Variants in PALS2 observed in about 807,000 individuals in gnomAD.
PALS2 encodes protein PALS2.
Under a neutral mutation model 61.6 loss-of-function variants are expected in PALS2, and 27 were observed. The ratio of observed to expected loss-of-function variants is 0.44; its 90% CI spans 0.32 to 0.60. PALS2 has a LOEUF of 0.60. Ranked by LOEUF, PALS2 falls within the 20% of genes least tolerant of loss-of-function variation. The pLI is 0.05. For missense variants in PALS2, 554 were observed against 639.4 expected (o/e 0.87, Z 1.44); for synonymous variants, 236 against 218.6 (o/e 1.08, Z -0.70).
At position 24,665,684 on chromosome 7, in the gene PALS2, T is replaced by G; in HGVS notation, c.880T>G (p.Ser294Ala). The change falls in exon 7 of 12, where the codon TCA becomes GCA. Residue 294 changes from serine (S) to alanine (A), a missense_variant. By Grantham distance (99) the Ser-to-Ala change is moderately conservative (BLOSUM62 1). Coordinates refer to ENST00000222644, the MANE Select transcript of PALS2 (RefSeq NM_001303037.2). The stretch of plus-strand genomic sequence containing the variant: ...ATTTGTTAGAAGAGACTGGGACAAT[T>G]CAGGTGATGAGCTCGACACAATAAG... The part of the protein sequence containing the change: ...KAFVRRDWDN[S>A]GPFCGTISSK... 1 of 1,612,836 alleles carries G rather than the reference T, an allele frequency of 6.2e-7. No individual in the cohort carries two copies. Among genetic ancestry groups the G allele is most frequent in the Non-Finnish European group, 8.5e-7 (1 of 1,178,940 alleles).
At chr7:24,613,997 C>T (rs1036986890) in intron 1 of PALS2, among the ~76,000 whole-genome samples, 1 of 151,810 alleles carries the variant, frequency 6.6e-6, no homozygotes, top group African/African-American at 2.4e-5. Flanking sequence ...TTATTGGACA[C>T]TTTGATTGAT....
At position 24,623,656 on chromosome 7, in the gene PALS2, A is replaced by G. The variant is rs758606620; in HGVS notation, c.-2-10A>G. The G allele has an allele frequency of 6.7e-7, 1 of 1,503,054 alleles. No homozygotes were observed. Among genetic ancestry groups the G allele is most frequent in the South Asian group, 1.2e-5 (1 of 82,042 alleles). The allele number at this position is 1,503,054 out of a possible 1,614,324, so 93.1% of individuals were successfully genotyped here. On this transcript the variant is annotated splice_polypyrimidine_tract_variant and intron_variant, in intron 1 of 11. Coordinates refer to ENST00000222644, the MANE Select transcript of PALS2 (RefSeq NM_001303037.2). ...GTTTGTTTGTTTTTATGTTGCTTTT[A>G]TCTCAGCAGCAATGCAGCAAGTCTT...
intron 2 of PALS2, chr7:24,624,286 T>G: frequency 3.2e-6 from 1 of 311,558 alleles, no homozygotes; most frequent in Non-Finnish European, 5.5e-6. Context: ...TAAGTATACT[T>G]TACAACCATT....
chr7:24,606,180 G>A (rs1019024500), intron 1 of PALS2, among the ~76,000 whole-genome samples: 4 of 152,018 alleles, frequency 2.6e-5, no homozygotes, highest in Admixed American at 6.6e-5. Flanking sequence ...CTACAGTTAA[G>A]AATTACTATG....
intron 10 of PALS2, 123 bp from the exon 11 acceptor site, chr7:24,680,265 GATAA>G: frequency 2.3e-6 from 2 of 873,070 alleles, no homozygotes; most frequent in Non-Finnish European, 3.4e-6. Flanking sequence ...ACAGAACAGG[GATAA>G]GTATTAAGTT....
chr7:24,668,982 A>C (rs929658636), intron 9 of PALS2, among the ~76,000 whole-genome samples: 2 of 152,152 alleles, frequency 1.3e-5, no homozygotes, highest in African/African-American at 4.8e-5. Context: ...TGTCTATCTA[A>C]AAAGTTGGAT....
rs770048084 is a variant in PALS2, at chr7:24,641,772, A to T, written c.174A>T (p.Glu58Asp). ...AAGCTGTCAGTGACAATAACTTGGA[A>T]TTAGTCAATGAAATTCTTGAAGACA... Reference protein sequence around the residue: ...KLEAVSDNNLELVNEILEDIT... With the variant: ...KLEAVSDNNLDLVNEILEDIT... The change falls in exon 3 of 12, where the codon GAA (glutamate) becomes GAT (aspartate). Residue 58 changes from glutamate to aspartate, a missense_variant. Glu to Asp is a conservative substitution (Grantham distance 45). Coordinates refer to ENST00000222644, the MANE Select transcript of PALS2 (RefSeq NM_001303037.2). 6.2e-7 allele frequency: 1 copy of T among 1,612,600 alleles called. No individual in the cohort carries two copies. The highest frequency in any genetic ancestry group is 8.5e-7 in the Non-Finnish European group (1 of 1,179,124).
intron 11 of PALS2, among the ~76,000 whole-genome samples, chr7:24,684,397 T>C (rs764021792): frequency 2.6e-5 from 4 of 152,234 alleles, no homozygotes; most frequent in Non-Finnish European, 4.4e-5. Context: ...TAAATTGTTG[T>C]GTCTTCAGCA....
chr7:24,650,083 A>G (rs966947118), intron 4 of PALS2, among the ~76,000 whole-genome samples: 1 of 152,174 alleles, frequency 6.6e-6, no homozygotes, highest in Non-Finnish European at 1.5e-5. Context: ...CAGTATCAAA[A>G]TATAAAAAGA....
intron 1 of PALS2, among the ~76,000 whole-genome samples, chr7:24,616,571 T>C (rs1017476800): frequency 7.9e-5 from 12 of 152,216 alleles, no homozygotes; most frequent in Admixed American, 1.3e-4. Flanking sequence ...GAAATGAGTT[T>C]CTTGTAGGCA....
At chr7:24,652,775 T>C (rs141359822) in intron 5 of PALS2, among the ~76,000 whole-genome samples, 3 of 152,292 alleles carry the variant, frequency 2.0e-5, no homozygotes, top group East Asian at 3.9e-4. Flanking sequence ...CAGCTCTGGA[T>C]TGCTGCAAGA....
At chr7:24,631,372 T>C (rs923612702) in intron 2 of PALS2, among the ~76,000 whole-genome samples, 5 of 152,192 alleles carry the variant, frequency 3.3e-5, no homozygotes, top group African/African-American at 1.2e-4. Flanking sequence ...AACCTGAAGA[T>C]GTGACTACAT....
chr7:24,679,847 A>G (rs1787824214), intron 10 of PALS2, among the ~76,000 whole-genome samples: 2 of 152,076 alleles, frequency 1.3e-5, no homozygotes, highest in African/African-American at 4.8e-5. Context: ...CTTTCTAGTC[A>G]TTTCACTATG....
chr7:24,631,243 CTT>C (rs982360988), intron 2 of PALS2, among the ~76,000 whole-genome samples: 1 of 152,142 alleles, frequency 6.6e-6, no homozygotes, highest in African/African-American at 2.4e-5. Flanking sequence ...TCATGGATGA[CTT>C]TGAGGGATTC....
intron 3 of PALS2, among the ~76,000 whole-genome samples, chr7:24,645,724 TA>T (rs1473730585): frequency 2.0e-5 from 3 of 152,198 alleles, no homozygotes; most frequent in Non-Finnish European, 2.9e-5. Context: ...GCCATTTTAA[TA>T]ATATTGGTTC....
intron 9 of PALS2, among the ~76,000 whole-genome samples, chr7:24,673,062 A>G (rs1256864719): frequency 2.6e-5 from 4 of 152,164 alleles, no homozygotes; most frequent in Non-Finnish European, 5.9e-5. Flanking sequence ...CTTTCATCAG[A>G]TTGGAGAAGT....
chr7:24,608,891 G>A (rs972941039), intron 1 of PALS2, among the ~76,000 whole-genome samples: 5 of 152,180 alleles, frequency 3.3e-5, no homozygotes. Context: ...GGCATTACAG[G>A]TGTGAGGCAG....
chr7:24,640,135 A>G (rs1299568712), intron 2 of PALS2, among the ~76,000 whole-genome samples: 1 of 151,892 alleles, frequency 6.6e-6, no homozygotes, highest in Non-Finnish European at 1.5e-5. Context: ...TCTAAATCTC[A>G]TAAAACTTCT....
At chr7:24,629,041 T>C (rs1252763210) in intron 2 of PALS2, among the ~76,000 whole-genome samples, 1 of 152,170 alleles carries the variant, frequency 6.6e-6, no homozygotes, top group Non-Finnish European at 1.5e-5. Context: ...TAGACAATCC[T>C]AAGCAAAAAG....
Sources: allele counts gnomAD v4.1 joint callset (sites outside exome capture counted in the v4.1 genomes callset), GRCh38; gene constraint gnomAD v4.1.1; transcripts MANE v1.5; gene names NCBI Gene and HGNC (gene_info 2026-07-23, HGNC 2026-07-21).